The following GABRR2 variants were observed in gnomAD, a reference collection of about 807,000 sequenced individuals.
The protein encoded by GABRR2 is gamma-aminobutyric acid type A receptor subunit rho2, also known as gamma-aminobutyric acid receptor subunit rho-2.
A neutral mutation model predicts 47.0 loss-of-function variants in GABRR2; 36 were observed. The observed-to-expected ratio is 0.77, with a 90% CI of 0.59 to 1.01. The LOEUF (loss-of-function observed/expected upper bound fraction) is 1.01. Among genes scored for constraint, GABRR2 ranks in the 50% least tolerant of loss-of-function variants. The pLI is 0.00. For missense variants in GABRR2, 587 were observed against 594.6 expected (o/e 0.99, Z 0.13); for synonymous variants, 204 against 227.5 (o/e 0.90, Z 0.93).
intron 1 of GABRR2, chr6:89,302,767 G>A (rs1363414506): frequency 6.9e-7 from 1 of 1,443,306 alleles, no homozygotes; most frequent in Non-Finnish European, 9.5e-7. Flanking sequence ...TCCATCCAGA[G>A]CAAGAACAGC....
intron 4 of GABRR2, among the ~76,000 whole-genome samples, chr6:89,268,714 A>G (rs1462524815): frequency 6.7e-6 from 1 of 149,626 alleles, no homozygotes; most frequent in Admixed American, 6.7e-5. Flanking sequence ...AATCTTTATT[A>G]TCAATCAACT....
chr6:89,272,599 T>A (rs902366937), intron 2 of GABRR2, among the ~76,000 whole-genome samples: 12 of 152,210 alleles, frequency 7.9e-5, no homozygotes, highest in South Asian at 2.1e-4. Flanking sequence ...TGTTAATGAA[T>A]GCCATTACAC....
At chr6:89,268,669 T>C (rs1215844450) in intron 4 of GABRR2, among the ~76,000 whole-genome samples, 1 of 152,180 alleles carries the variant, frequency 6.6e-6, no homozygotes, top group Non-Finnish European at 1.5e-5. Context: ...GGGGGGGCTT[T>C]TTTTTTAATC....
chr6:89,277,172 T>C (rs1448327104), intron 2 of GABRR2, among the ~76,000 whole-genome samples: 1 of 152,176 alleles, frequency 6.6e-6, no homozygotes, highest in Admixed American at 6.5e-5. Flanking sequence ...GTTCTCGTGA[T>C]AGTAAGTGAG....
At chr6:89,309,654 C>T (rs1012886268) in intron 1 of GABRR2, among the ~76,000 whole-genome samples, 2 of 152,126 alleles carry the variant, frequency 1.3e-5, no homozygotes, top group Admixed American at 1.3e-4. Context: ...TCTATATGCC[C>T]TCTGCCCCTA....
At chr6:89,299,251 G>T (rs889320533) in intron 2 of GABRR2, among the ~76,000 whole-genome samples, 2 of 152,096 alleles carry the variant, frequency 1.3e-5, no homozygotes, top group Non-Finnish European at 2.9e-5. Context: ...TGGAAAACAG[G>T]TGACTCCATC....
At chr6:89,314,219 T>G (rs1767727287) in intron 1 of GABRR2, among the ~76,000 whole-genome samples, 1 of 152,172 alleles carries the variant, frequency 6.6e-6, no homozygotes, top group Admixed American at 6.5e-5. Flanking sequence ...TAATTTATAT[T>G]CAAAACCACT....
At chr6:89,283,537 A>G (rs1774286571) in intron 2 of GABRR2, among the ~76,000 whole-genome samples, 1 of 152,266 alleles carries the variant, frequency 6.6e-6, no homozygotes, top group Admixed American at 6.5e-5. Context: ...GAGTATGTAT[A>G]GTACAATAAC....
intron 2 of GABRR2, among the ~76,000 whole-genome samples, chr6:89,288,641 C>A (rs578165067): frequency 6.6e-6 from 1 of 152,134 alleles, no homozygotes; most frequent in East Asian, 1.9e-4. Context: ...AACCCAGTGT[C>A]CATGTTTTAT....
intron 2 of GABRR2, among the ~76,000 whole-genome samples, chr6:89,294,641 C>T (rs910638892): frequency 6.6e-5 from 10 of 151,202 alleles, no homozygotes; most frequent in Non-Finnish European, 8.8e-5. Flanking sequence ...GGCCCAGGCT[C>T]TACTTTTTTT....
intron 2 of GABRR2, among the ~76,000 whole-genome samples, chr6:89,279,811 A>G (rs1369579309): frequency 6.6e-6 from 1 of 152,188 alleles, no homozygotes; most frequent in Non-Finnish European, 1.5e-5. Context: ...AAATAGGTAT[A>G]ATAATTGTAC....
At chr6:89,261,018 G>C (rs1488143185) in intron 8 of GABRR2, among the ~76,000 whole-genome samples, 4 of 152,178 alleles carry the variant, frequency 2.6e-5, no homozygotes, top group Non-Finnish European at 4.4e-5. Context: ...ACAGACAGAG[G>C]GGGAGACTTA....
intron 1 of GABRR2, among the ~76,000 whole-genome samples, chr6:89,311,147 C>T (rs1346413417): frequency 2.6e-5 from 4 of 152,166 alleles, no homozygotes; most frequent in Admixed American, 6.5e-5. Context: ...TGAGGTGCCA[C>T]GTGCAGACGC....
intron 2 of GABRR2, among the ~76,000 whole-genome samples, chr6:89,272,011 C>T (rs1774064118): frequency 6.6e-6 from 1 of 152,218 alleles, no homozygotes; most frequent in Non-Finnish European, 1.5e-5. Context: ...CATCCCAGGG[C>T]TGTCTCTGTA....
intron 1 of GABRR2, chr6:89,301,658 C>T: frequency 2.1e-6 from 1 of 484,228 alleles, no homozygotes; most frequent in Non-Finnish European, 3.8e-6. Context: ...AGGAATACAG[C>T]TAACCAGGGA....
At chr6:89,275,782 A>G (rs1201917579) in intron 2 of GABRR2, among the ~76,000 whole-genome samples, 1 of 152,206 alleles carries the variant, frequency 6.6e-6, no homozygotes, top group African/African-American at 2.4e-5. Flanking sequence ...GTGCTCATTT[A>G]GTGGAGCTTC....
chr6:89,255,421 G>C lies in GABRR2; in HGVS notation c.*2249C>G, dbSNP rs917108696. On this transcript the variant is annotated 3_prime_UTR_variant, in exon 9 of 9. Coordinates refer to ENST00000402938, the MANE Select transcript of GABRR2 (RefSeq NM_002043.5). ...CATTGCACTCCAGCCTGAGCAACAA[G>C]AGTGAAACTCTGTCTCAGAAAAGAA... Among the ~76,000 whole-genome samples, 5 of 152,184 alleles carry C rather than the reference G, an allele frequency of 3.3e-5. No homozygotes were observed. The highest frequency in any genetic ancestry group is 7.4e-5 in the Non-Finnish European group (5 of 68,022).
At chr6:89,298,730 G>T (rs1210618581) in intron 2 of GABRR2, among the ~76,000 whole-genome samples, 1 of 152,292 alleles carries the variant, frequency 6.6e-6, no homozygotes, top group Non-Finnish European at 1.5e-5. Flanking sequence ...TCCTTTCCCA[G>T]CTGCTATGGC....
intron 1 of GABRR2, chr6:89,301,876 C>A (rs1767447540): frequency 8.7e-7 from 1 of 1,145,798 alleles, no homozygotes; most frequent in Non-Finnish European, 1.3e-6. Flanking sequence ...TGGCATAGAC[C>A]CCAGCGGCAA....
Sources: gnomAD v4.1 joint callset for allele counts (sites outside exome capture counted in the v4.1 genomes callset) on GRCh38, gnomAD v4.1.1 for gene constraint, MANE v1.5 for transcripts, NCBI Gene and HGNC (gene_info 2026-07-23, HGNC 2026-07-21) for gene names.